SLC4A4: variants seen among roughly 807,000 people sequenced by gnomAD.
SLC4A4 encodes the protein electrogenic sodium bicarbonate cotransporter 1.
Under a neutral mutation model 111.5 loss-of-function variants are expected in SLC4A4, and 27 were observed. The ratio of observed to expected loss-of-function variants is 0.24; its 90% CI spans 0.18 to 0.33. The LOEUF (loss-of-function observed/expected upper bound fraction) is 0.33. SLC4A4 is among the 10% of genes least tolerant of loss of function. The pLI is 1.00. For synonymous variants in SLC4A4, 443 were observed against 463.4 expected (o/e 0.96, Z 0.57); for missense variants, 909 against 1,315.5 (o/e 0.69, Z 4.78).
chr4:71,395,111 A>G (rs1254551588), intron 6 of SLC4A4, among the ~76,000 whole-genome samples: 1 of 152,174 alleles, frequency 6.6e-6, no homozygotes, highest in African/African-American at 2.4e-5. Flanking sequence ...GTGAGTGTCA[A>G]TAATCTGCCT....
chr4:71,199,460 AAT>A (rs1165146536), intron 1 of SLC4A4, among the ~76,000 whole-genome samples: 12 of 152,186 alleles, frequency 7.9e-5, no homozygotes, highest in African/African-American at 2.9e-4. Flanking sequence ...AAATAAATGC[AAT>A]ATATTTTATT....
At chr4:71,421,294 A>T (rs1722465646) in intron 7 of SLC4A4, among the ~76,000 whole-genome samples, 1 of 152,198 alleles carries the variant, frequency 6.6e-6, no homozygotes, top group African/African-American at 2.4e-5. Context: ...AACTATCCTA[A>T]ATATATATGC....
chr4:71,073,334 C>T (rs943159877), intron 1 of SLC4A4, among the ~76,000 whole-genome samples: 1 of 152,082 alleles, frequency 6.6e-6, no homozygotes, highest in Non-Finnish European at 1.5e-5. Flanking sequence ...TGAGAGCGGT[C>T]ATCTTTGAGC....
chr4:71,491,864 T>G (rs1412473113), intron 15 of SLC4A4, among the ~76,000 whole-genome samples: 2 of 151,814 alleles, frequency 1.3e-5, no homozygotes, highest in Non-Finnish European at 2.9e-5. Flanking sequence ...CTGGTGGTTA[T>G]ACATTCATTT....
At chr4:71,112,365 C>T (rs1345894913) in intron 2 of SLC4A4, among the ~76,000 whole-genome samples, 2 of 152,156 alleles carry the variant, frequency 1.3e-5, no homozygotes, top group Non-Finnish European at 2.9e-5. Context: ...CTCATATTAT[C>T]TGAGTGTGAA....
intron 2 of SLC4A4, among the ~76,000 whole-genome samples, chr4:71,160,476 A>G (rs1315292049): frequency 1.3e-5 from 2 of 152,098 alleles, no homozygotes; most frequent in Non-Finnish European, 2.9e-5. Flanking sequence ...TTTCATTTCT[A>G]TAGCAGTTTA....
intron 2 of SLC4A4, among the ~76,000 whole-genome samples, chr4:71,107,160 G>T: frequency 6.6e-6 from 1 of 152,048 alleles, no homozygotes; most frequent in East Asian, 1.9e-4. Flanking sequence ...ATAGCATATA[G>T]TTAGATCATG....
intron 7 of SLC4A4, among the ~76,000 whole-genome samples, chr4:71,439,565 CT>C (rs1724519487): frequency 6.7e-6 from 1 of 148,176 alleles, no homozygotes; most frequent in African/African-American, 2.5e-5. Context: ...TGTGATTTAA[CT>C]GATTCACTCT....
intron 7 of SLC4A4, among the ~76,000 whole-genome samples, chr4:71,424,368 T>C (rs1173478097): frequency 7.3e-5 from 11 of 151,532 alleles, no homozygotes; most frequent in Admixed American, 5.3e-4. Flanking sequence ...TGTGGAGAAA[T>C]AGGAACACTT....
rs188868864 is a variant in SLC4A4, at chr4:71,469,925, C to T, written c.1632-2774C>T. 2.5e-4 allele frequency among the ~76,000 whole-genome samples: 38 copies of T among 152,008 alleles called. 1 individual carries two copies. The highest frequency in any genetic ancestry group is 8.9e-4 in the African/African-American group (37 of 41,512). On this transcript the variant is annotated intron_variant, in intron 13 of 25. Coordinates refer to ENST00000264485, the MANE Select transcript of SLC4A4 (RefSeq NM_001098484.3). ...TACCCAAACTAATGTTGTTCCTAAC[C>T]ATTAGCTAGTTAATGGATTTGTTTC...
intron 6 of SLC4A4, among the ~76,000 whole-genome samples, chr4:71,357,720 T>C (rs997756668): frequency 6.6e-6 from 1 of 152,212 alleles, no homozygotes; most frequent in African/African-American, 2.4e-5. Context: ...CTTTCTGATA[T>C]AGGATAATGA....
chr4:71,255,106 A>G (rs1721347265), intron 2 of SLC4A4, 114 bp from the exon 3 acceptor site: 2 of 1,043,956 alleles, frequency 1.9e-6, no homozygotes, highest in Admixed American at 1.8e-5. Flanking sequence ...TGCCAAATAT[A>G]GAATGGTAAC....
intron 15 of SLC4A4, among the ~76,000 whole-genome samples, chr4:71,491,150 G>A (rs1729866947): frequency 6.6e-6 from 1 of 151,676 alleles, no homozygotes; most frequent in South Asian, 2.1e-4. Flanking sequence ...TCTTATAATG[G>A]TATAGACAAC....
chr4:71,509,081 T>C (rs927429276), intron 16 of SLC4A4, among the ~76,000 whole-genome samples: 1 of 152,214 alleles, frequency 6.6e-6, no homozygotes, highest in African/African-American at 2.4e-5. Flanking sequence ...CTCAATAAAC[T>C]AGTTATTAAA....
At chr4:71,440,008 C>T (rs953801905) in intron 7 of SLC4A4, among the ~76,000 whole-genome samples, 1 of 152,006 alleles carries the variant, frequency 6.6e-6, no homozygotes, top group Non-Finnish European at 1.5e-5. Flanking sequence ...AGCTTCTTCT[C>T]ACAAAGTCTT....
chr4:71,521,457 C>A (rs919607772), intron 16 of SLC4A4, among the ~76,000 whole-genome samples: 6 of 152,186 alleles, frequency 3.9e-5, no homozygotes, highest in South Asian at 4.2e-4. Flanking sequence ...TAGTCTTGAA[C>A]TCCTAGGTTC....
intron 14 of SLC4A4, among the ~76,000 whole-genome samples, chr4:71,479,531 A>G (rs2149119548): frequency 1.3e-5 from 2 of 151,924 alleles, no homozygotes; most frequent in Middle Eastern, 6.8e-3. Context: ...TAGAAAGCCC[A>G]TTAAAAGAAA....
chr4:71,499,911 A>G (rs952667481), intron 16 of SLC4A4, among the ~76,000 whole-genome samples: 1 of 152,144 alleles, frequency 6.6e-6, no homozygotes, highest in Non-Finnish European at 1.5e-5. Context: ...TCTCTTTGAG[A>G]TCATGATTTC....
At chr4:71,510,766 T>G (rs1201462050) in intron 16 of SLC4A4, among the ~76,000 whole-genome samples, 1 of 152,160 alleles carries the variant, frequency 6.6e-6, no homozygotes, top group East Asian at 1.9e-4. Context: ...AATTATTTTC[T>G]GGTTAATTTG....
Sources: allele counts gnomAD v4.1 joint callset (sites outside exome capture counted in the v4.1 genomes callset), GRCh38; gene constraint gnomAD v4.1.1; transcripts MANE v1.5; gene names NCBI Gene and HGNC (gene_info 2026-07-23, HGNC 2026-07-21).